The following SLC49A4 variants were observed in gnomAD, a reference collection of about 807,000 sequenced individuals.
SLC49A4 encodes the protein disrupted in renal cancer protein 2.
A neutral mutation model predicts 50.6 loss-of-function variants in SLC49A4; 36 were observed. That is an observed-to-expected ratio of 0.71 (90% confidence interval 0.55 to 0.94). SLC49A4 has a LOEUF of 0.94. Ranked by LOEUF, SLC49A4 falls within the 40% of genes least tolerant of loss-of-function variation. SLC49A4 has a pLI of 0.00. For missense variants in SLC49A4, 503 were observed against 605.7 expected (o/e 0.83, Z 1.78); for synonymous variants, 248 against 241.2 (o/e 1.03, Z -0.26).
intron 7 of SLC49A4, among the ~76,000 whole-genome samples, chr3:122,862,456 G>T (rs1421970420): frequency 1.3e-5 from 2 of 152,182 alleles, no homozygotes; most frequent in Non-Finnish European, 2.9e-5. Flanking sequence ...GTGCACTGTT[G>T]TACACAACTG....
At chr3:122,800,640 T>C (rs1007227257) in intron 1 of SLC49A4, among the ~76,000 whole-genome samples, 3 of 152,154 alleles carry the variant, frequency 2.0e-5, no homozygotes, top group Non-Finnish European at 4.4e-5. Context: ...CAAGATGGGA[T>C]GTGGTCCTCC....
intron 4 of SLC49A4, among the ~76,000 whole-genome samples, chr3:122,836,475 G>A (rs1253075422): frequency 6.6e-6 from 1 of 152,094 alleles, no homozygotes; most frequent in Admixed American, 6.6e-5. Flanking sequence ...TTGTGTCTCT[G>A]CCAGGTTTTG....
At position 122,795,312 on chromosome 3, in the gene SLC49A4, G is replaced by A. The variant is rs533636603; in HGVS notation, c.120G>A (p.Ala40=). 167 of 1,474,076 alleles carry A rather than the reference G, an allele frequency of 1.1e-4. No individual in the cohort carries two copies. In the East Asian group the frequency reaches 4.1e-3, roughly 36 times the overall value. 91.3% of individuals were successfully genotyped at this position (1,474,076 alleles called of 1,614,324 possible). The change falls in exon 1 of 9, where the codon GCG becomes GCA. Residue 40 remains alanine, a synonymous_variant. Transcript: ENST00000261038. ...CGGCGGCGGCGGCGCTGCCCGCGGC[G>A]GTCCCGGGTCCCGGGCGGGTATACG... The part of the protein sequence containing the change: ...REAAAAALPA[A]VPGPGRVYGR...
At chr3:122,870,782 T>G (rs1937186584) in intron 7 of SLC49A4, among the ~76,000 whole-genome samples, 1 of 151,208 alleles carries the variant, frequency 6.6e-6, no homozygotes, top group African/African-American at 2.4e-5. Context: ...CCACTGCACT[T>G]TAGCCTGGGC....
chr3:122,880,133 A>G lies in SLC49A4; in HGVS notation c.*755A>G, dbSNP rs184772112. The G allele has an allele frequency of 3.9e-5, 6 of 152,342 alleles. No individual in the cohort carries two copies. The highest frequency in any genetic ancestry group is 9.6e-5 in the African/African-American group (4 of 41,574). The allele number at this position is 152,342 out of a possible 1,614,324, so 9.4% of individuals were successfully genotyped here. On this transcript the variant is annotated 3_prime_UTR_variant, in exon 9 of 9. Transcript: ENST00000261038. Reference sequence around the variant, plus strand: ...ATATTGTATGAAAAAATGTAATTCCATTAGGATCTAGCACTTTGTTACAAG... The same window carrying G: ...ATATTGTATGAAAAAATGTAATTCCGTTAGGATCTAGCACTTTGTTACAAG...
intron 5 of SLC49A4, among the ~76,000 whole-genome samples, chr3:122,855,859 C>T (rs976616462): frequency 2.4e-4 from 37 of 152,156 alleles, no homozygotes; most frequent in African/African-American, 7.7e-4. Context: ...TTTTGAAACC[C>T]AGCTCAACTT....
chr3:122,815,387 C>T (rs567180738), intron 2 of SLC49A4, among the ~76,000 whole-genome samples: 1 of 152,162 alleles, frequency 6.6e-6, no homozygotes, highest in African/African-American at 2.4e-5. Flanking sequence ...CCATGCCTGG[C>T]CTGTTTGTGT....
chr3:122,877,608 T>C (rs1335953750), intron 8 of SLC49A4, among the ~76,000 whole-genome samples: 1 of 152,242 alleles, frequency 6.6e-6, no homozygotes, highest in Admixed American at 6.5e-5. Context: ...CAACTATCGT[T>C]GTAAACTGTT....
chr3:122,880,855 A>T lies in SLC49A4; in HGVS notation c.*1477A>T, dbSNP rs1370230185. The stretch of plus-strand genomic sequence containing the variant: ...AGTCTGTCTCCCCTCCCCCTTAGCA[A>T]GTACAAGGCTGTGCATTAACTCACC... On this transcript the variant is annotated 3_prime_UTR_variant, in exon 9 of 9. Coordinates refer to ENST00000261038, the MANE Select transcript of SLC49A4 (RefSeq NM_032839.3). The T allele has an allele frequency of 6.6e-6, 1 of 152,452 alleles. No homozygotes were observed. The highest frequency in any genetic ancestry group is 1.9e-4 in the East Asian group (1 of 5,168). 9.4% of individuals were successfully genotyped at this position (152,452 alleles called of 1,614,324 possible). A position where few individuals can be genotyped will look rare whatever the true frequency, so the allele number is the denominator to read the frequency against.
intron 6 of SLC49A4, among the ~76,000 whole-genome samples, chr3:122,857,356 C>T (rs1003606080): frequency 6.8e-6 from 1 of 146,838 alleles, no homozygotes; most frequent in African/African-American, 2.5e-5. Context: ...TAAAACTATT[C>T]TTGGTATTTC....
chr3:122,796,748 G>A lies in SLC49A4; in HGVS notation c.343+1213G>A, dbSNP rs369456855. Among the ~76,000 whole-genome samples, 47 of 152,222 alleles carry A rather than the reference G, an allele frequency of 3.1e-4. No homozygotes were observed. The South Asian group carries it at 6.6e-3, about 21-fold the overall frequency. ...TCAAAATGTGAATTTGAGGCCTGGC[G>A]CAGTGGCTCAAGTAATCCCAGCACG... On this transcript the variant is annotated intron_variant, in intron 1 of 8. Coordinates refer to ENST00000261038, the MANE Select transcript of SLC49A4 (RefSeq NM_032839.3).
intron 7 of SLC49A4, among the ~76,000 whole-genome samples, chr3:122,869,320 T>C (rs1937164511): frequency 6.6e-6 from 1 of 152,216 alleles, no homozygotes; most frequent in African/African-American, 2.4e-5. Flanking sequence ...ATAACGTGTA[T>C]GTGCCGTTTA....
chr3:122,838,121 T>C (rs1453326307), intron 4 of SLC49A4, among the ~76,000 whole-genome samples: 1 of 151,960 alleles, frequency 6.6e-6, no homozygotes, highest in Non-Finnish European at 1.5e-5. Flanking sequence ...GACTGTAAAC[T>C]AGTTCAACCA....
intron 2 of SLC49A4, among the ~76,000 whole-genome samples, chr3:122,808,772 A>G (rs918637248): frequency 2.0e-5 from 3 of 152,196 alleles, no homozygotes; most frequent in Non-Finnish European, 4.4e-5. Flanking sequence ...CAGGTGAGAG[A>G]TGATGGTGGC....
At chr3:122,806,452 A>C (rs559198455) in intron 1 of SLC49A4, among the ~76,000 whole-genome samples, 1 of 152,162 alleles carries the variant, frequency 6.6e-6, no homozygotes, top group Non-Finnish European at 1.5e-5. Flanking sequence ...ATCTCAGCTC[A>C]CTGTAGCCTC....
intron 2 of SLC49A4, among the ~76,000 whole-genome samples, chr3:122,810,436 C>A (rs17279046): frequency 6.6e-6 from 1 of 152,064 alleles, no homozygotes; most frequent in Non-Finnish European, 1.5e-5. Flanking sequence ...TTGCAATGAG[C>A]GCTATTACTC....
At chr3:122,857,301 A>AAGG (rs1484079280) in intron 6 of SLC49A4, among the ~76,000 whole-genome samples, 8 of 151,340 alleles carry the variant, frequency 5.3e-5, no homozygotes, top group Non-Finnish European at 1.0e-4. Context: ...AAAAAAAAAA[A>AAGG]AAAAGGAAAA....
chr3:122,849,480 C>G (rs1377255054), intron 5 of SLC49A4, among the ~76,000 whole-genome samples: 2 of 152,170 alleles, frequency 1.3e-5, no homozygotes, highest in Non-Finnish European at 1.5e-5. Flanking sequence ...GTATCCTTGT[C>G]AGCATTTGTT....
intron 2 of SLC49A4, among the ~76,000 whole-genome samples, chr3:122,826,238 A>AT (rs1280444659): frequency 1.3e-5 from 2 of 152,092 alleles, no homozygotes; most frequent in African/African-American, 4.8e-5. Flanking sequence ...TGAGTCTTTC[A>AT]TTTTTTGTAT....
Sources: allele counts gnomAD v4.1 joint callset (sites outside exome capture counted in the v4.1 genomes callset), GRCh38; gene constraint gnomAD v4.1.1; transcripts MANE v1.5; gene names NCBI Gene and HGNC (gene_info 2026-07-23, HGNC 2026-07-21).